The following CEP250 variants were observed in gnomAD, a reference collection of about 807,000 sequenced individuals.
CEP250 encodes the protein centrosome-associated protein CEP250.
A neutral mutation model predicts 315.7 loss-of-function variants in CEP250; 242 were observed. That is an observed-to-expected ratio of 0.77 (90% confidence interval 0.69 to 0.85). The LOEUF is 0.85. Among genes scored for constraint, CEP250 ranks in the 40% least tolerant of loss-of-function variants. The probability of loss-of-function intolerance (pLI) is 0.00; values close to 1 mark genes in which losing one functional copy is unlikely to be tolerated. For synonymous variants in CEP250, 1,088 were observed against 1,175.0 expected (o/e 0.93, Z 1.51); for missense variants, 2,515 against 2,886.4 (o/e 0.87, Z 2.95).
At position 35,473,348 on chromosome 20, in the gene CEP250, TG is replaced by T. The variant is rs1223884947; in HGVS notation, c.1210-24del. The T allele has an allele frequency of 1.9e-6, 3 of 1,581,690 alleles. No homozygotes were observed. The Admixed American group carries it at 5.3e-5, about 28-fold the overall frequency. On this transcript the variant is annotated intron_variant, in intron 12 of 34. Transcript: ENST00000397527. Reference sequence around the variant, plus strand: ...CCCTCCTTTGCCCTTGTTCATCATCTGGTTTCTCTTGCTCTCTCTCCACAGG... The same window carrying T: ...CCCTCCTTTGCCCTTGTTCATCATCTGTTTCTCTTGCTCTCTCTCCACAGG...
intron 3 of CEP250, among the ~76,000 whole-genome samples, chr20:35,461,000 A>G (rs964749476): frequency 6.6e-6 from 1 of 152,242 alleles, no homozygotes; most frequent in African/African-American, 2.4e-5. Context: ...GTATATAGCT[A>G]TAAAAGTGAC....
chr20:35,478,175 A>C, intron 17 of CEP250, 74 bp downstream of exon 17: 1 of 969,536 alleles, frequency 1.0e-6, no homozygotes, highest in South Asian at 1.6e-5. Flanking sequence ...AACACTACAG[A>C]AATTATCTGG....
At chr20:35,456,826 G>A (rs1012951357) in intron 1 of CEP250, among the ~76,000 whole-genome samples, 3 of 150,746 alleles carry the variant, frequency 2.0e-5, no homozygotes, top group Admixed American at 6.6e-5. Flanking sequence ...AGTCACCCAG[G>A]CTGGAGTGCA....
In CEP250 at chr20:35,511,834, C is replaced by T. The variant is rs1181226493; in HGVS notation, c.*208C>T. ...GAATGAGGCAAATTGCATTTGCTTG[C>T]TCCCTATGGAATCACCCAGAGGGGT... On this transcript the variant is annotated 3_prime_UTR_variant, in exon 35 of 35. Coordinates refer to ENST00000397527, the MANE Select transcript of CEP250 (RefSeq NM_007186.6). 2.1e-6 allele frequency: 3 copies of T among 1,400,700 alleles called. No homozygotes were observed. The highest frequency in any genetic ancestry group is 2.8e-6 in the Non-Finnish European group (3 of 1,081,468). The allele number at this position is 1,400,700 out of a possible 1,614,324, so 86.8% of individuals were successfully genotyped here.
At chr20:35,483,577 C>T (rs1162787313) in intron 20 of CEP250, among the ~76,000 whole-genome samples, 1 of 150,744 alleles carries the variant, frequency 6.6e-6, no homozygotes, top group Non-Finnish European at 1.5e-5. Flanking sequence ...GCTATGTTAT[C>T]CAGGCTGGTC....
Position 35,503,066 on chromosome 20 carries a change from A to G in CEP250, c.4697A>G (p.His1566Arg), listed in dbSNP as rs371083759. The change falls in exon 30 of 35, where the codon CAT becomes CGT. Residue 1566 changes from histidine (H) to arginine (R), a missense_variant. Coordinates refer to ENST00000397527, the MANE Select transcript of CEP250 (RefSeq NM_007186.6). This position sits in a 1 kb window ranked among gnomAD's most constrained non-coding sequence, Gnocchi z 4.2. ...CTGGCCCTGGAACTGGAGGAAAACCATCACAAGATGGAGTGCCAGCAAAAA... is the reference window on the plus strand; with the variant it reads ...CTGGCCCTGGAACTGGAGGAAAACCGTCACAAGATGGAGTGCCAGCAAAAA... The part of the protein sequence containing the change: ...ECLALELEEN[H>R]HKMECQQKLI... The G allele has an allele frequency of 1.2e-6, 2 of 1,614,218 alleles. No homozygotes were observed. Among genetic ancestry groups the G allele is most frequent in the Non-Finnish European group, 8.5e-7 (1 of 1,180,042 alleles).
intron 30 of CEP250, among the ~76,000 whole-genome samples, chr20:35,506,128 A>T (rs1290973589): frequency 6.6e-6 from 1 of 152,186 alleles, no homozygotes; most frequent in Non-Finnish European, 1.5e-5. Flanking sequence ...GAAAGAAGTC[A>T]AAGATGACAC....
intron 17 of CEP250, 45 bp from the exon 18 acceptor site, chr20:35,479,186 G>A (rs1378403992): frequency 6.3e-7 from 1 of 1,584,312 alleles, no homozygotes. Flanking sequence ...CGGCCCCAGG[G>A]GAATCCAGCC....
intron 21 of CEP250, 28 bp downstream of exon 21, chr20:35,490,832 A>C: frequency 1.2e-6 from 2 of 1,607,994 alleles, no homozygotes. Flanking sequence ...TTGGAGCTGC[A>C]CGTCCAGTCA....
intron 29 of CEP250, 109 bp from the exon 30 acceptor site, chr20:35,502,281 C>G (rs1317994422): frequency 2.9e-6 from 3 of 1,028,180 alleles, no homozygotes; most frequent in Non-Finnish European, 4.2e-6. Flanking sequence ...TTTTTTTGCC[C>G]AAGTCCTTAT....
rs2063143923 is a variant in CEP250 at position 35,475,445 on chromosome 20, T to C, written c.1572-57T>C. 1.9e-6 allele frequency: 3 copies of C among 1,563,740 alleles called. No individual in the cohort carries two copies. In the South Asian group the frequency reaches 3.4e-5, roughly 18 times the overall value. On this transcript the variant is annotated intron_variant, in intron 14 of 34. Transcript: ENST00000397527. ...AAAGGTGATTATATTCCTGTTACCT[T>C]TGGGGTTATGGCCCATCCCTAAGAG...
chr20:35,474,878 G>A (rs1489999012), intron 14 of CEP250: 1 of 470,776 alleles, frequency 2.1e-6, no homozygotes, highest in Non-Finnish European at 4.4e-6. Context: ...CTGGGAGCAG[G>A]GATATATCTT....
At position 35,467,360 on chromosome 20, in the gene CEP250, GT is replaced by G. The variant is rs1251795308; in HGVS notation, c.658del (p.Cys220ValfsTer4). The G allele has an allele frequency of 6.2e-7, 1 of 1,614,074 alleles. No homozygotes were observed. The highest frequency in any genetic ancestry group is 2.2e-5 in the East Asian group (1 of 44,902). On this transcript the variant is annotated frameshift_variant, in exon 9 of 35. Coordinates refer to ENST00000397527, the MANE Select transcript of CEP250 (RefSeq NM_007186.6). LOFTEE classifies it high-confidence loss of function. ...AGGCTTTCAGGGTCTCTGTTGACCTGTTGTCTGCGCTTGACTGTGGGAGCAC... is the reference window on the plus strand; with the variant it reads ...AGGCTTTCAGGGTCTCTGTTGACCTGTGTCTGCGCTTGACTGTGGGAGCAC... The part of the protein sequence containing the change: ...HVRLSGSLLT[C>X]CLRLTVGAQS...
chr20:35,482,626 C>A (rs1295988777), intron 20 of CEP250, among the ~76,000 whole-genome samples: 3 of 151,932 alleles, frequency 2.0e-5, no homozygotes, highest in African/African-American at 7.3e-5. Context: ...GTGGTGCAAT[C>A]TCGGCTCACT....
At chr20:35,470,029 G>T in intron 10 of CEP250, 43 bp downstream of exon 10, 1 of 1,331,174 alleles carries the variant, frequency 7.5e-7, no homozygotes, top group Non-Finnish European at 1.1e-6. Context: ...GCGTGGGCTT[G>T]TAGGTTCCTT....
chr20:35,477,923 C>T lies in CEP250; in HGVS notation c.1916C>T (p.Ala639Val), dbSNP rs777053689. The change falls in exon 17 of 35, where the codon GCG becomes GTG. Residue 639 changes from alanine to valine, a missense_variant. Coordinates refer to ENST00000397527, the MANE Select transcript of CEP250 (RefSeq NM_007186.6). Reference sequence around the variant, plus strand: ...AGCAGAATGGAGGCCGCAGAGCAGGCGAGAAATGCTTTGCAGGTCGACCTG... The same window carrying T: ...AGCAGAATGGAGGCCGCAGAGCAGGTGAGAAATGCTTTGCAGGTCGACCTG... ...VCSRMEAAEQ[A>V]RNALQVDLAE... 22 of 1,605,520 alleles carry T rather than the reference C, an allele frequency of 1.4e-5. No individual in the cohort carries two copies. Among genetic ancestry groups the T allele is most frequent in the Admixed American group, 3.4e-5 (2 of 58,248 alleles).
intron 1 of CEP250, among the ~76,000 whole-genome samples, chr20:35,457,143 A>G (rs568118815): frequency 2.0e-5 from 3 of 152,170 alleles, no homozygotes; most frequent in African/African-American, 7.2e-5. Context: ...CATTGGTGAT[A>G]ATATGGATCA....
At chr20:35,508,630 T>C (rs995644326) in intron 32 of CEP250, among the ~76,000 whole-genome samples, 4 of 152,232 alleles carry the variant, frequency 2.6e-5, no homozygotes, top group African/African-American at 4.8e-5. Flanking sequence ...TTAAGTTTTA[T>C]TGGAATACAG....
In CEP250 at chr20:35,477,913, G is replaced by A. The variant is rs143216068; in HGVS notation, c.1906G>A (p.Ala636Thr). The A allele has an allele frequency of 5.3e-5, 85 of 1,600,990 alleles. No homozygotes were observed. Among genetic ancestry groups the A allele is most frequent in the Middle Eastern group, 1.7e-4 (1 of 6,058 alleles). Residue 636 changes from alanine (A) to threonine (T), a missense_variant, in exon 17 of 35, where the codon GCA becomes ACA. Physicochemically the swap from Ala to Thr is moderately conservative, Grantham distance 58. Transcript: ENST00000397527. ...NQSVCSRMEA[A>T]EQARNALQVD... is the part of the protein sequence containing the mutation. Reference sequence around the variant, plus strand: ...GTCTGTGTGCAGCAGAATGGAGGCCGCAGAGCAGGCGAGAAATGCTTTGCA... The same window carrying A: ...GTCTGTGTGCAGCAGAATGGAGGCCACAGAGCAGGCGAGAAATGCTTTGCA...
Sources: allele counts gnomAD v4.1 joint callset (sites outside exome capture counted in the v4.1 genomes callset), GRCh38; gene constraint gnomAD v4.1.1; non-coding constraint Gnocchi (gnomAD v3.1); transcripts MANE v1.5; gene names NCBI Gene and HGNC (gene_info 2026-07-23, HGNC 2026-07-21).